The following TMEM72 variants were observed in gnomAD, a reference collection of about 807,000 sequenced individuals.
TMEM72 encodes the protein kidney-specific secretory protein of 37 kDa.
In TMEM72, 9 loss-of-function variants were observed where a neutral mutation model predicts 16.3. That is an observed-to-expected ratio of 0.55 (90% CI 0.33 to 0.96). The LOEUF is 0.96. Ranked by LOEUF, TMEM72 falls within the 40% of genes least tolerant of loss-of-function variation. TMEM72 has a pLI of 0.03. For synonymous variants in TMEM72, 160 were observed against 146.5 expected, an observed-to-expected ratio of 1.09 and a Z score of -0.66; for missense variants, 324 against 337.8, an observed-to-expected ratio of 0.96 and a Z score of 0.32.
rs1193153191 is a variant in TMEM72 at position 44,936,009 on chromosome 10, T to C, written c.*875T>C. The C allele has an allele frequency of 1.3e-5, 2 of 151,984 alleles. No individual in the cohort carries two copies. The highest frequency in any genetic ancestry group is 1.9e-4 in the East Asian group (1 of 5,168). 9.4% of individuals were successfully genotyped at this position (151,984 alleles called of 1,614,324 possible). A position where few individuals can be genotyped will look rare whatever the true frequency, so the allele number is the denominator to read the frequency against. On this transcript the variant is annotated 3_prime_UTR_variant, in exon 5 of 5. Coordinates refer to ENST00000389583, the MANE Select transcript of TMEM72 (RefSeq NM_001123376.3). ...TAGCAGAATAGGTGATAAATATAAATGTCTTCAAAATGAAAGGAAGTGAGG... is the reference window on the plus strand; with the variant it reads ...TAGCAGAATAGGTGATAAATATAAACGTCTTCAAAATGAAAGGAAGTGAGG...
intron 2 of TMEM72, among the ~76,000 whole-genome samples, chr10:44,929,968 G>A (rs920952560): frequency 2.0e-5 from 3 of 152,248 alleles, no homozygotes; most frequent in Admixed American, 2.0e-4. Flanking sequence ...GTCCCTAGCC[G>A]CTGTGCACCA....
At chr10:44,925,323 G>A (rs968284847) in intron 1 of TMEM72, among the ~76,000 whole-genome samples, 1 of 152,240 alleles carries the variant, frequency 6.6e-6, no homozygotes, top group Non-Finnish European at 1.5e-5. Flanking sequence ...AACAGGTGCA[G>A]GTCAGGGAAG....
chr10:44,933,100 C>T (rs1840330286), intron 3 of TMEM72, among the ~76,000 whole-genome samples: 1 of 152,248 alleles, frequency 6.6e-6, no homozygotes, highest in South Asian at 2.1e-4. Context: ...TGCTCAGCAT[C>T]AGGCTTCTGC....
intron 4 of TMEM72, 54 bp downstream of exon 4, chr10:44,933,830 G>A: frequency 6.5e-7 from 1 of 1,540,628 alleles, no homozygotes; most frequent in Non-Finnish European, 8.8e-7. Flanking sequence ...ACTCTGAGCA[G>A]GAGGAGCTGA....
intron 1 of TMEM72, among the ~76,000 whole-genome samples, chr10:44,918,262 G>C (rs1252806044): frequency 6.6e-6 from 1 of 152,126 alleles, no homozygotes; most frequent in African/African-American, 2.4e-5. Context: ...AACCATACCA[G>C]GGTACTTACA....
At chr10:44,933,525 G>C in intron 3 of TMEM72, 112 bp from the exon 4 acceptor site, 1 of 1,408,268 alleles carries the variant, frequency 7.1e-7, no homozygotes, top group African/African-American at 1.4e-5. Flanking sequence ...TGTTCAGCCA[G>C]GGCCCACTGC....
intron 1 of TMEM72, among the ~76,000 whole-genome samples, chr10:44,925,008 G>A (rs921464116): frequency 6.6e-6 from 1 of 152,222 alleles, no homozygotes; most frequent in African/African-American, 2.4e-5. Context: ...CAGGCACTAA[G>A]CCGTGCATTT....
chr10:44,921,468 T>C (rs1840097660), intron 1 of TMEM72, among the ~76,000 whole-genome samples: 1 of 152,226 alleles, frequency 6.6e-6, no homozygotes, highest in Non-Finnish European at 1.5e-5. Context: ...CGATTATTTC[T>C]TGTAGAGAAT....
intron 1 of TMEM72, among the ~76,000 whole-genome samples, chr10:44,927,004 C>T (rs1840206015): frequency 6.6e-6 from 1 of 152,092 alleles, no homozygotes; most frequent in African/African-American, 2.4e-5. Context: ...GAGGAGAGGC[C>T]ACCCCCAGGC....
At chr10:44,914,854 G>A (rs1455511913) in intron 1 of TMEM72, among the ~76,000 whole-genome samples, 1 of 152,206 alleles carries the variant, frequency 6.6e-6, no homozygotes, top group Non-Finnish European at 1.5e-5. Flanking sequence ...AAGCAGGGTT[G>A]GCTTCCCTTT....
At chr10:44,925,962 C>T in intron 1 of TMEM72, among the ~76,000 whole-genome samples, 1 of 151,980 alleles carries the variant, frequency 6.6e-6, no homozygotes, top group East Asian at 1.9e-4. Context: ...CACACTCACA[C>T]ACATATATGC....
At chr10:44,918,256 A>C (rs1158443963) in intron 1 of TMEM72, among the ~76,000 whole-genome samples, 1 of 152,160 alleles carries the variant, frequency 6.6e-6, no homozygotes, top group Non-Finnish European at 1.5e-5. Context: ...CAGCCAAACC[A>C]TACCAGGGTA....
At chr10:44,911,938 C>T (rs1221618669) in intron 1 of TMEM72, among the ~76,000 whole-genome samples, 1 of 152,230 alleles carries the variant, frequency 6.6e-6, no homozygotes, top group Non-Finnish European at 1.5e-5. Context: ...ATAGAAAGGG[C>T]TGGGCTTCGC....
intron 1 of TMEM72, among the ~76,000 whole-genome samples, chr10:44,913,011 C>T (rs1839959454): frequency 6.6e-6 from 1 of 152,172 alleles, no homozygotes; most frequent in African/African-American, 2.4e-5. Context: ...CCAAAACCTT[C>T]CCTGTCTTCC....
At chr10:44,919,862 A>C (rs1173828596) in intron 1 of TMEM72, 1 of 152,028 alleles carries the variant, frequency 6.6e-6, no homozygotes, top group Non-Finnish European at 1.5e-5. Flanking sequence ...ACGTAGGTAA[A>C]CCTCCCCACC....
At chr10:44,934,606 G>A (rs746004127) in intron 4 of TMEM72, 50 bp from the exon 5 acceptor site, 227 of 1,495,302 alleles carry the variant, frequency 1.5e-4, no homozygotes, top group Non-Finnish European at 1.9e-4. Context: ...CAAGGACTCC[G>A]GATTTTTTCC....
chr10:44,926,764 C>G (rs1181253605), intron 1 of TMEM72, among the ~76,000 whole-genome samples: 1 of 152,202 alleles, frequency 6.6e-6, no homozygotes, highest in Non-Finnish European at 1.5e-5. Flanking sequence ...TCCCCTTTCC[C>G]CGGCCCCATA....
At chr10:44,924,513 C>T (rs560322827) in intron 1 of TMEM72, among the ~76,000 whole-genome samples, 2 of 129,862 alleles carry the variant, frequency 1.5e-5, no homozygotes, top group East Asian at 2.1e-4. Context: ...CTCGGAGAAG[C>T]GGCCAGGAGC....
At chr10:44,925,632 G>C (rs1840174106) in intron 1 of TMEM72, among the ~76,000 whole-genome samples, 1 of 152,234 alleles carries the variant, frequency 6.6e-6, no homozygotes, top group Non-Finnish European at 1.5e-5. Context: ...GAGAGATTGG[G>C]TGACTATGCT....
Sources: gnomAD v4.1 joint callset for allele counts (sites outside exome capture counted in the v4.1 genomes callset) on GRCh38, gnomAD v4.1.1 for gene constraint, MANE v1.5 for transcripts, NCBI Gene and HGNC (gene_info 2026-07-23, HGNC 2026-07-21) for gene names.